The following ITPKB variants were observed in gnomAD, a reference collection of about 807,000 sequenced individuals.
ITPKB encodes IP3 3-kinase B.
Under a neutral mutation model 69.4 loss-of-function variants are expected in ITPKB, and 13 were observed. That is an observed-to-expected ratio of 0.19 (90% CI 0.12 to 0.30). The LOEUF (loss-of-function observed/expected upper bound fraction) is 0.30, where lower values mean the gene tolerates loss of function less well. Ranked by LOEUF, ITPKB falls within the 10% of genes least tolerant of loss-of-function variation. ITPKB has a pLI of 1.00. For synonymous variants in ITPKB, 584 were observed against 513.7 expected (o/e 1.14, Z -1.85); for missense variants, 1,240 against 1,250.5 (o/e 0.99, Z 0.13).
intron 1 of ITPKB, 51 bp from the exon 2 acceptor site, chr1:226,737,714 A>C (rs911542790): frequency 5.7e-5 from 29 of 508,050 alleles, no homozygotes; most frequent in Non-Finnish European, 7.4e-5. Flanking sequence ...GCGCGGGGGG[A>C]GTTGGGGGTC....
intron 2 of ITPKB, among the ~76,000 whole-genome samples, chr1:226,689,657 A>G (rs960122343): frequency 4.0e-5 from 6 of 151,670 alleles, no homozygotes; most frequent in African/African-American, 1.5e-4. Context: ...AGGTACATGT[A>G]CAGGTCACAT....
chr1:226,659,928 G>A (rs1486764134), intron 2 of ITPKB, among the ~76,000 whole-genome samples: 10 of 152,202 alleles, frequency 6.6e-5, no homozygotes, highest in African/African-American at 2.2e-4. Context: ...CCCAGCACAT[G>A]CTAAGGGCCC....
chr1:226,720,932 C>G (rs886600888), intron 2 of ITPKB, among the ~76,000 whole-genome samples: 2 of 152,024 alleles, frequency 1.3e-5, no homozygotes, highest in Admixed American at 1.3e-4. Context: ...ATCCCAGCTA[C>G]TCAGGAGGCT....
At chr1:226,677,538 C>T (rs1655925515) in intron 2 of ITPKB, among the ~76,000 whole-genome samples, 1 of 152,208 alleles carries the variant, frequency 6.6e-6, no homozygotes, top group South Asian at 2.1e-4. Flanking sequence ...GCCCTGGAAC[C>T]CACATCCACC....
In ITPKB at chr1:226,631,958, T is replaced by A. The variant is rs1485124596; in HGVS notation, c.*2713A>T. ...TAAATACAACTGAAGGATGAAAGAG[T>A]CCATCTTACAGGGCCAGGGCTGCTT... is the stretch of plus-strand genomic sequence containing the variant. On this transcript the variant is annotated 3_prime_UTR_variant, in exon 8 of 8. Transcript: ENST00000429204. The A allele has an allele frequency of 6.6e-6, 1 of 151,862 alleles. No homozygotes were observed. The highest frequency in any genetic ancestry group is 1.5e-5 in the Non-Finnish European group (1 of 67,918). 9.4% of individuals were successfully genotyped at this position (151,862 alleles called of 1,614,324 possible). A position where few individuals can be genotyped will look rare whatever the true frequency, so the allele number is the denominator to read the frequency against.
At chr1:226,687,353 A>G (rs1656240569) in intron 2 of ITPKB, among the ~76,000 whole-genome samples, 1 of 152,168 alleles carries the variant, frequency 6.6e-6, no homozygotes. Flanking sequence ...AATCTCACCC[A>G]CTGTCCACAG....
intron 2 of ITPKB, among the ~76,000 whole-genome samples, chr1:226,700,625 A>G (rs1286128978): frequency 2.0e-5 from 3 of 152,198 alleles, no homozygotes; most frequent in Middle Eastern, 6.8e-3. Context: ...CATAAACCCA[A>G]TGCCAAAAGT....
intron 5 of ITPKB, among the ~76,000 whole-genome samples, chr1:226,640,533 C>T (rs1446167590): frequency 6.6e-6 from 1 of 152,158 alleles, no homozygotes; most frequent in African/African-American, 2.4e-5. Flanking sequence ...GCGGGGCAGG[C>T]AGGTGATGGT....
chr1:226,682,569 T>A lies in ITPKB; in HGVS notation c.1933-33798A>T, dbSNP rs747589085. Among the ~76,000 whole-genome samples, 9 of 152,326 alleles carry A rather than the reference T, an allele frequency of 5.9e-5. No individual in the cohort carries two copies. The East Asian group carries it at 1.7e-3, about 29-fold the overall frequency. On this transcript the variant is annotated intron_variant, in intron 2 of 7. Coordinates refer to ENST00000429204, the MANE Select transcript of ITPKB (RefSeq NM_002221.4). ...TTCCCTTGCTGGACTGTGCTAGGAA[T>A]TAGCTGCACTAGGGCATTGCCTGGC...
intron 2 of ITPKB, among the ~76,000 whole-genome samples, chr1:226,650,197 C>T (rs1669159195): frequency 6.6e-6 from 1 of 152,214 alleles, no homozygotes; most frequent in Non-Finnish European, 1.5e-5. Context: ...TGAAATCGGC[C>T]TCCTTTGTTT....
At chr1:226,644,236 T>C (rs2102742806) in intron 4 of ITPKB, among the ~76,000 whole-genome samples, 1 of 152,274 alleles carries the variant, frequency 6.6e-6, no homozygotes, top group South Asian at 2.1e-4. Context: ...GCCAGCTGGA[T>C]GGTGGGGCGG....
chr1:226,654,533 C>T (rs3820637), intron 2 of ITPKB, among the ~76,000 whole-genome samples: 14,133 of 152,250 alleles, frequency 0.093, 738 homozygotes, highest in East Asian at 0.17. Context: ...ATGATCTCCT[C>T]CTGCTCAACA....
At position 226,634,732 on chromosome 1, in the gene ITPKB, G is replaced by C; in HGVS notation, c.2780C>G (p.Ser927Trp). Residue 927 changes from serine to tryptophan, a missense_variant, in exon 8 of 8, where the codon TCG becomes TGG. Coordinates refer to ENST00000429204, the MANE Select transcript of ITPKB (RefSeq NM_002221.4). The surrounding 1 kb of genome is among the most constrained non-coding windows in gnomAD (Gnocchi z 6.3). ...QEGNREDGYLSGLNNLVDILT... is the reference protein window; with the variant it reads ...QEGNREDGYLWGLNNLVDILT... Reference sequence around the variant, plus strand: ...GATGTCGACGAGGTTATTGAGCCCCGAGAGGTAGCCATCCTCCCGGTTCCC... The same window carrying C: ...GATGTCGACGAGGTTATTGAGCCCCCAGAGGTAGCCATCCTCCCGGTTCCC... The C allele has an allele frequency of 8.9e-7, 1 of 1,127,678 alleles. No homozygotes were observed. Among genetic ancestry groups the C allele is most frequent in the Non-Finnish European group, 1.4e-6 (1 of 735,984 alleles). The allele number at this position is 1,127,678 out of a possible 1,614,324, so 69.9% of individuals were successfully genotyped here. A position where few individuals can be genotyped will look rare whatever the true frequency, so the allele number is the denominator to read the frequency against.
At chr1:226,704,879 A>G (rs543398069) in intron 2 of ITPKB, among the ~76,000 whole-genome samples, 1 of 152,338 alleles carries the variant, frequency 6.6e-6, no homozygotes, top group South Asian at 2.1e-4. Flanking sequence ...TGCACAGTGG[A>G]ACAAACTCCT....
intron 6 of ITPKB, among the ~76,000 whole-genome samples, chr1:226,638,022 C>T (rs190508432): frequency 9.5e-4 from 144 of 152,378 alleles, no homozygotes; most frequent in African/African-American, 3.3e-3. Flanking sequence ...CCATGTCAAG[C>T]TTTGCTGGCC....
At chr1:226,694,324 G>C (rs1408752520) in intron 2 of ITPKB, among the ~76,000 whole-genome samples, 1 of 152,166 alleles carries the variant, frequency 6.6e-6, no homozygotes, top group Non-Finnish European at 1.5e-5. Flanking sequence ...ACCCCTAGAG[G>C]CTACTGATAA....
At chr1:226,645,316 G>A (rs1475671626) in intron 4 of ITPKB, among the ~76,000 whole-genome samples, 1 of 152,152 alleles carries the variant, frequency 6.6e-6, no homozygotes, top group Non-Finnish European at 1.5e-5. Context: ...CTGCCAAGAT[G>A]GGTTACATGG....
At chr1:226,703,398 C>A (rs1270253145) in intron 2 of ITPKB, among the ~76,000 whole-genome samples, 1 of 152,224 alleles carries the variant, frequency 6.6e-6, no homozygotes, top group African/African-American at 2.4e-5. Flanking sequence ...GCTGGCTGGC[C>A]GAGGCAGGGG....
At chr1:226,710,309 A>G (rs1656914049) in intron 2 of ITPKB, among the ~76,000 whole-genome samples, 1 of 152,216 alleles carries the variant, frequency 6.6e-6, no homozygotes, top group Non-Finnish European at 1.5e-5. Context: ...GAAACTGCAG[A>G]TAGCAATGAA....
Sources: gnomAD v4.1 joint callset for allele counts (sites outside exome capture counted in the v4.1 genomes callset) on GRCh38, gnomAD v4.1.1 for gene constraint, Gnocchi (gnomAD v3.1) non-coding constraint, MANE v1.5 for transcripts, NCBI Gene and HGNC (gene_info 2026-07-23, HGNC 2026-07-21) for gene names.